The following FREY1 variants were observed in gnomAD, a reference collection of about 807,000 sequenced individuals.
FREY1 encodes Frey regulator of sperm-oocyte fusion 1.
chr11:45,906,935 G>GC, the FREY1 span: 1 of 1,613,772 alleles, frequency 6.2e-7, no homozygotes, highest in Non-Finnish European at 8.5e-7. Flanking sequence ...GGAACAGACC[G>GC]CTGAGACCTG....
At chr11:45,907,004 T>C in the FREY1 span, 18 of 1,589,238 alleles carry the variant, frequency 1.1e-5, no homozygotes, top group Non-Finnish European at 1.6e-5. Flanking sequence ...TCCTTGTGAA[T>C]GGGGGGATGG....
the FREY1 span, chr11:45,906,677 G>T: frequency 6.3e-7 from 1 of 1,586,994 alleles, no homozygotes; most frequent in Non-Finnish European, 8.6e-7. Flanking sequence ...GGTGCTTGGG[G>T]AGGATGCCAT....
the FREY1 span, chr11:45,907,245 TCTC>T: frequency 6.5e-7 from 1 of 1,545,640 alleles, no homozygotes. Flanking sequence ...GCGAGAACCA[TCTC>T]CTACACGGGT....
At chr11:45,906,547 G>C in the FREY1 span, 15 of 1,513,666 alleles carry the variant, frequency 9.9e-6, no homozygotes, top group Non-Finnish European at 1.3e-5. Flanking sequence ...GTCACACATG[G>C]TATCTTTATG....
At chr11:45,906,811 CT>C in the FREY1 span, 1 of 1,610,634 alleles carries the variant, frequency 6.2e-7, no homozygotes, top group Non-Finnish European at 8.5e-7. Context: ...TGGGGCACCT[CT>C]TAGGGGCGTC....
At chr11:45,906,737 G>A in the FREY1 span, 293 of 1,577,640 alleles carry the variant, frequency 1.9e-4, 1 homozygote, top group Admixed American at 3.5e-5. Flanking sequence ...AGCTGGCTCT[G>A]ATGGAACTGA....
At chr11:45,907,223 GC>G in the FREY1 span, 1 of 1,554,084 alleles carries the variant, frequency 6.4e-7, no homozygotes, top group Non-Finnish European at 8.7e-7. Context: ...GGGGTGCAGA[GC>G]CCCCAGCATG....
the FREY1 span, chr11:45,906,597 G>A: frequency 1.9e-6 from 3 of 1,573,482 alleles, no homozygotes; most frequent in African/African-American, 2.7e-5. Context: ...GTAATACTCG[G>A]CAAGGTCGGG....
chr11:45,906,717 G>A, the FREY1 span: 5 of 1,576,052 alleles, frequency 3.2e-6, no homozygotes, highest in Admixed American at 5.3e-5. Context: ...GGGCATGGGT[G>A]GTAGGGGGCA....
chr11:45,906,974 C>T, the FREY1 span: 2 of 1,611,880 alleles, frequency 1.2e-6, no homozygotes, highest in Non-Finnish European at 1.7e-6. Flanking sequence ...TCAGCCCTGG[C>T]CCAGAAGGCC....
At chr11:45,906,560 G>T in the FREY1 span, 1 of 1,527,328 alleles carries the variant, frequency 6.5e-7, no homozygotes, top group South Asian at 1.3e-5. Flanking sequence ...TCTTTATGAG[G>T]GCCTTGGGTC....
chr11:45,906,664 T>G, the FREY1 span: 1 of 1,589,600 alleles, frequency 6.3e-7, no homozygotes, highest in Non-Finnish European at 8.6e-7. Context: ...CCTCGCGGCC[T>G]TGGGTGCTTG....
chr11:45,906,573 A>C, the FREY1 span: 1 of 1,545,928 alleles, frequency 6.5e-7, no homozygotes, highest in Non-Finnish European at 8.7e-7. Context: ...CTTGGGTCAT[A>C]GGTGTGCATC....
chr11:45,907,208 G>GC, the FREY1 span: 2 of 1,555,578 alleles, frequency 1.3e-6, no homozygotes, highest in Non-Finnish European at 1.7e-6. Flanking sequence ...GCTGAGCCCA[G>GC]CCCGGGGGTG....
At chr11:45,907,231 C>T in the FREY1 span, 82 of 1,551,950 alleles carry the variant, frequency 5.3e-5, no homozygotes, top group Non-Finnish European at 6.9e-5. Context: ...GAGCCCCCAG[C>T]ATGGCGAGAA....
the FREY1 span, chr11:45,906,904 AG>A: frequency 1.9e-6 from 3 of 1,613,666 alleles, no homozygotes; most frequent in Non-Finnish European, 2.5e-6. Flanking sequence ...CGAGAGTTCC[AG>A]GGGGGCGGAA....
At chr11:45,907,050 C>T in the FREY1 span, 1 of 1,532,274 alleles carries the variant, frequency 6.5e-7, no homozygotes, top group Non-Finnish European at 9.0e-7. Context: ...CCTCGAACGC[C>T]CAGGGTACCA....
the FREY1 span, chr11:45,906,539 C>T: frequency 1.3e-6 from 2 of 1,506,702 alleles, no homozygotes; most frequent in Non-Finnish European, 1.8e-6. Flanking sequence ...AAGCCTTTGT[C>T]ACACATGGTA....
chr11:45,907,259 C>A, the FREY1 span: 1 of 1,530,640 alleles, frequency 6.5e-7, no homozygotes, highest in Admixed American at 2.1e-5. Flanking sequence ...CTACACGGGT[C>A]CTGGCTCCTG....
Sources: allele counts gnomAD v4.1 joint callset, GRCh38; gene constraint gnomAD v4.1.1; transcripts MANE v1.5; gene names NCBI Gene and HGNC (gene_info 2026-07-23, HGNC 2026-07-21).